ARSB: variants seen among roughly 807,000 people sequenced by gnomAD.
ARSB encodes the protein N-acetylgalactosamine-4-sulfatase.
In ARSB, 41 loss-of-function variants were observed where a neutral mutation model predicts 50.9. That is an observed-to-expected ratio of 0.81 (90% confidence interval 0.63 to 1.04). The LOEUF (loss-of-function observed/expected upper bound fraction) is 1.04. Among genes scored for constraint, ARSB ranks in the 50% least tolerant of loss-of-function variants. The probability of loss-of-function intolerance (pLI) is 0.00; values close to 1 mark genes in which losing one functional copy is unlikely to be tolerated. For missense variants in ARSB, 672 were observed against 693.3 expected, an observed-to-expected ratio of 0.97 and a Z score of 0.35; for synonymous variants, 269 against 284.8, an observed-to-expected ratio of 0.94 and a Z score of 0.56.
chr5:78,927,141 G>A (rs1295277525), intron 4 of ARSB, among the ~76,000 whole-genome samples: 1 of 152,078 alleles, frequency 6.6e-6, no homozygotes, highest in South Asian at 2.1e-4. Context: ...TGGGATTGCA[G>A]GCGTGAGCCA....
At chr5:78,956,335 A>T (rs1248249177) in intron 3 of ARSB, among the ~76,000 whole-genome samples, 1 of 152,126 alleles carries the variant, frequency 6.6e-6, no homozygotes, top group African/African-American at 2.4e-5. Context: ...ATAGAGACAG[A>T]GGGTGGTTGC....
At chr5:78,880,715 T>C (rs1747704589) in intron 5 of ARSB, among the ~76,000 whole-genome samples, 1 of 152,214 alleles carries the variant, frequency 6.6e-6, no homozygotes, top group Non-Finnish European at 1.5e-5. Flanking sequence ...AAAAGGGGCA[T>C]AGGCTTGTAA....
chr5:78,808,001 G>A (rs1743635278), intron 6 of ARSB, among the ~76,000 whole-genome samples: 1 of 145,862 alleles, frequency 6.9e-6, no homozygotes, highest in South Asian at 2.2e-4. Context: ...GCTGAGGCAG[G>A]AGAATGGCGT....
intron 5 of ARSB, among the ~76,000 whole-genome samples, chr5:78,843,079 ATTG>A (rs1415090218): frequency 6.6e-6 from 1 of 152,188 alleles, no homozygotes; most frequent in African/African-American, 2.4e-5. Context: ...GAACCCAAGC[ATTG>A]GTACTTTTGG....
intron 5 of ARSB, among the ~76,000 whole-genome samples, chr5:78,853,364 A>G (rs1470264943): frequency 6.6e-6 from 1 of 152,204 alleles, no homozygotes; most frequent in Non-Finnish European, 1.5e-5. Flanking sequence ...GTGGCTGCAG[A>G]ACAGCGGATT....
In ARSB at chr5:78,985,292, C is replaced by G. The variant is rs1753136207; in HGVS notation, c.-44G>C. 1 of 1,259,056 alleles carries G rather than the reference C, an allele frequency of 7.9e-7. No homozygotes were observed. The highest frequency in any genetic ancestry group is 1.0e-6 in the Non-Finnish European group (1 of 1,004,402). 78.0% of individuals were successfully genotyped at this position (1,259,056 alleles called of 1,614,324 possible). On this transcript the variant is annotated 5_prime_UTR_variant, in exon 1 of 8. Coordinates refer to ENST00000264914, the MANE Select transcript of ARSB (RefSeq NM_000046.5). ...CCAGCGCCTGTGGCGCCACCAGCCC[C>G]TTGTACCGCTGATAGAATGAGGAAC...
At chr5:78,883,838 T>A (rs1747876098) in intron 5 of ARSB, 1 of 152,196 alleles carries the variant, frequency 6.6e-6, no homozygotes, top group African/African-American at 2.4e-5. Context: ...TGAATAGCTA[T>A]CAAACTTCCT....
At chr5:78,917,149 G>C (rs886421550) in intron 4 of ARSB, among the ~76,000 whole-genome samples, 1 of 152,138 alleles carries the variant, frequency 6.6e-6, no homozygotes, top group Non-Finnish European at 1.5e-5. Flanking sequence ...AGGATGAAGA[G>C]AGCTCTAGGC....
chr5:78,967,342 T>A (rs745326341), intron 2 of ARSB, among the ~76,000 whole-genome samples: 1 of 152,184 alleles, frequency 6.6e-6, no homozygotes, highest in East Asian at 1.9e-4. Flanking sequence ...GTAACTCTTA[T>A]AGTCTTTTCC....
intron 6 of ARSB, among the ~76,000 whole-genome samples, chr5:78,837,083 T>C (rs567829322): frequency 3.3e-5 from 5 of 152,322 alleles, no homozygotes; most frequent in South Asian, 2.1e-4. Flanking sequence ...CAATTCGACA[T>C]GACACTTGGG....
At chr5:78,811,580 G>A (rs1325266628) in intron 6 of ARSB, among the ~76,000 whole-genome samples, 1 of 152,226 alleles carries the variant, frequency 6.6e-6, no homozygotes, top group African/African-American at 2.4e-5. Context: ...GTTTGTTTCA[G>A]ATGAAGAAAT....
rs374880558 is a variant in ARSB, at chr5:78,964,407, A to G, written c.690+9T>C. 1.9e-6 allele frequency: 3 copies of G among 1,613,466 alleles called. No individual in the cohort carries two copies. Among genetic ancestry groups the G allele is most frequent in the Non-Finnish European group, 2.5e-6 (3 of 1,179,566 alleles). ...GATTTTGCTATCAGTAAATAGAAGC[A>G]AAACTTACCTTCTCTGGTGGATGGT... On this transcript the variant is annotated intron_variant, in intron 3 of 7. Coordinates refer to ENST00000264914, the MANE Select transcript of ARSB (RefSeq NM_000046.5).
chr5:78,828,279 A>C (rs1004579094), intron 6 of ARSB, among the ~76,000 whole-genome samples: 2 of 151,454 alleles, frequency 1.3e-5, no homozygotes, highest in African/African-American at 4.9e-5. Context: ...TTCTTGCACC[A>C]CCCCCCCATC....
intron 7 of ARSB, among the ~76,000 whole-genome samples, chr5:78,781,427 T>C (rs1748924175): frequency 6.6e-6 from 1 of 151,018 alleles, no homozygotes; most frequent in Admixed American, 6.6e-5. Context: ...CAAAAGGCAT[T>C]TGTTACTTCG....
intron 5 of ARSB, among the ~76,000 whole-genome samples, chr5:78,856,260 T>A (rs1746136996): frequency 6.6e-6 from 1 of 152,152 alleles, no homozygotes; most frequent in Non-Finnish European, 1.5e-5. Context: ...GTTATAGAGG[T>A]CACCATATGT....
At chr5:78,801,466 C>T (rs17818103) in intron 6 of ARSB, among the ~76,000 whole-genome samples, 37,858 of 152,130 alleles carry the variant, frequency 0.25, 6,059 homozygotes, top group Non-Finnish European at 0.36. Flanking sequence ...AGAGATGTTG[C>T]TTTTGGAGGA....
chr5:78,806,932 C>G lies in ARSB; in HGVS notation c.1214-24958G>C, dbSNP rs371917454. Reference sequence around the variant, plus strand: ...CACCAGCTGGCATGCTCTCGCCATGCTTACTCTTCCGCTCCCTGTCACCTC... The same window carrying G: ...CACCAGCTGGCATGCTCTCGCCATGGTTACTCTTCCGCTCCCTGTCACCTC... On this transcript the variant is annotated intron_variant, in intron 6 of 7. Coordinates refer to ENST00000264914, the MANE Select transcript of ARSB (RefSeq NM_000046.5). Among the ~76,000 whole-genome samples, 7 of 152,340 alleles carry G rather than the reference C, an allele frequency of 4.6e-5. No individual in the cohort carries two copies. The East Asian group carries it at 1.4e-3, about 29-fold the overall frequency.
intron 6 of ARSB, chr5:78,815,910 G>C (rs1743966840): frequency 6.8e-7 from 1 of 1,477,894 alleles, no homozygotes; most frequent in Admixed American, 2.4e-5. Context: ...CAGCCTCCTG[G>C]GGCCCCTTCT....
At chr5:78,954,650 A>G (rs557562221) in intron 4 of ARSB, among the ~76,000 whole-genome samples, 3 of 152,034 alleles carry the variant, frequency 2.0e-5, no homozygotes, top group African/African-American at 7.2e-5. Flanking sequence ...GACTACATGC[A>G]CTCGCCACCA....
Sources: allele counts gnomAD v4.1 joint callset (sites outside exome capture counted in the v4.1 genomes callset), GRCh38; gene constraint gnomAD v4.1.1; transcripts MANE v1.5; gene names NCBI Gene and HGNC (gene_info 2026-07-23, HGNC 2026-07-21).